COL12A1: variants seen among roughly 807,000 people sequenced by gnomAD.
The protein encoded by COL12A1 is collagen type XII alpha 1 chain.
COL12A1 carries 114 observed loss-of-function variants against 349.7 expected under a neutral mutation model. The observed-to-expected ratio is 0.33, with a 90% CI of 0.28 to 0.38. COL12A1 has a LOEUF of 0.38. Ranked by LOEUF, COL12A1 falls within the 10% of genes least tolerant of loss-of-function variation. COL12A1 has a pLI of 1.00. For missense variants in COL12A1, 3,284 were observed against 3,756.9 expected, an observed-to-expected ratio of 0.87 and a Z score of 3.29; for synonymous variants, 1,369 against 1,329.0, an observed-to-expected ratio of 1.03 and a Z score of -0.66.
chr6:75,148,201 T>C (rs377155005), intron 22 of COL12A1, among the ~76,000 whole-genome samples, 157 bp downstream of exon 22: 1 of 152,268 alleles, frequency 6.6e-6, no homozygotes, highest in East Asian at 1.9e-4. Flanking sequence ...CGGAAATGCC[T>C]GCCTAGCAAA....
At position 75,090,120 on chromosome 6, in the gene COL12A1, A is replaced by G. The variant is rs2149326774; in HGVS notation, c.8931T>C (p.Pro2977=). ...GCCAGAAATGCCTACCTCGTTCCCC[A>G]GGGGGTCCCTGCATCCCTGGTGTGC... ...FPGTPGMQGP[P]GERGLPGEKG... is the part of the protein sequence containing the mutation. The change falls in exon 63 of 66, where the codon CCT becomes CCC. Residue 2977 remains proline (P), a synonymous_variant. Transcript: ENST00000322507. This position sits in a 1 kb window ranked among gnomAD's most constrained non-coding sequence, Gnocchi z 4.1. 6.2e-7 allele frequency: 1 copy of G among 1,613,376 alleles called. No individual in the cohort carries two copies. The highest frequency in any genetic ancestry group is 8.5e-7 in the Non-Finnish European group (1 of 1,179,902).
At chr6:75,104,534 G>A (rs572446068) in intron 54 of COL12A1, among the ~76,000 whole-genome samples, 1 of 152,268 alleles carries the variant, frequency 6.6e-6, no homozygotes, top group East Asian at 1.9e-4. Flanking sequence ...CTTAAAAGAA[G>A]CCAAGGGAGA....
chr6:75,113,372 T>A (rs1582069286), intron 50 of COL12A1, 59 bp from the exon 51 acceptor site: 2 of 1,126,104 alleles, frequency 1.8e-6, no homozygotes, highest in Middle Eastern at 2.1e-4. Flanking sequence ...TTATTTAAAG[T>A]ATTAGCAAAT....
chr6:75,202,032 G>C lies in COL12A1; in HGVS notation c.73+688C>G, dbSNP rs116681704. Among the ~76,000 whole-genome samples, 724 of 152,318 alleles carry C rather than the reference G, an allele frequency of 4.8e-3. 5 individuals are homozygous for C. Among genetic ancestry groups the C allele is most frequent in the African/African-American group, 0.016 (682 of 41,580 alleles). On this transcript the variant is annotated intron_variant, in intron 2 of 65. Transcript: ENST00000322507. ...TTCCCAGGCTGGAAACCTTGGCCCA[G>C]GCTCAACCTGTCTGAGCTGGACCAG...
At chr6:75,163,405 T>C (rs1217424112) in intron 14 of COL12A1, among the ~76,000 whole-genome samples, 9 of 151,988 alleles carry the variant, frequency 5.9e-5, no homozygotes, top group Non-Finnish European at 1.3e-4. Context: ...AGCATACTAA[T>C]GCAAGAACAG....
chr6:75,098,680 T>A (rs1466448918), intron 58 of COL12A1, among the ~76,000 whole-genome samples: 2 of 152,026 alleles, frequency 1.3e-5, no homozygotes, highest in African/African-American at 2.4e-5. Context: ...GAGGTAAAGC[T>A]GTCTTAACTG....
intron 13 of COL12A1, 31 bp from the exon 14 acceptor site, chr6:75,165,810 T>C (rs754853506): frequency 6.3e-7 from 1 of 1,594,070 alleles, no homozygotes; most frequent in African/African-American, 1.4e-5. Context: ...GAATCTTTTT[T>C]AAAAATGTCT....
Position 75,189,244 on chromosome 6 carries a change from T to G in COL12A1, c.796A>C (p.Asn266His), listed in dbSNP as rs1769797020. 1 of 1,612,964 alleles carries G rather than the reference T, an allele frequency of 6.2e-7. No homozygotes were observed. Among genetic ancestry groups the G allele is most frequent in the Non-Finnish European group, 8.5e-7 (1 of 1,179,352 alleles). The change falls in exon 7 of 66, where the codon AAT becomes CAT. Residue 266 changes from asparagine (N) to histidine (H), a missense_variant. Physicochemically the swap from Asn to His is moderately conservative, Grantham distance 68 (BLOSUM62 1). Around this residue, in one of 2 missense-constraint regions of COL12A1, gnomAD observed 2,601 missense variants for 2,824.8 expected, o/e 0.92. Coordinates refer to ENST00000322507, the MANE Select transcript of COL12A1 (RefSeq NM_004370.6). ...EVEIPARELR[N>H]VGVEVFSLGI... ...AAGGAGAAAACTTCAACTCCAACAT[T>G]ACGAAGCTCTCTTGCTGGAATTTCC...
chr6:75,175,992 T>C (rs1433649996), intron 12 of COL12A1, among the ~76,000 whole-genome samples: 1 of 152,160 alleles, frequency 6.6e-6, no homozygotes, highest in South Asian at 2.1e-4. Context: ...AAAAGCCAGC[T>C]AGTTTTACTC....
chr6:75,131,906 C>T, intron 35 of COL12A1, 34 bp downstream of exon 35: 1 of 1,609,870 alleles, frequency 6.2e-7, no homozygotes, highest in Non-Finnish European at 8.5e-7. Context: ...CTACATTCAC[C>T]AGGAAATGCA....
At chr6:75,174,015 T>C (rs1013137039) in intron 13 of COL12A1, among the ~76,000 whole-genome samples, 1 of 152,238 alleles carries the variant, frequency 6.6e-6, no homozygotes, top group African/African-American at 2.4e-5. Context: ...TCCATTCTCA[T>C]TGCGGTGCAA....
chr6:75,191,241 T>TAC (rs1350110673), intron 5 of COL12A1, among the ~76,000 whole-genome samples: 1 of 152,004 alleles, frequency 6.6e-6, no homozygotes, highest in Non-Finnish European at 1.5e-5. Context: ...GAGCATAACA[T>TAC]ACACACAGAC....
At position 75,151,941 on chromosome 6, in the gene COL12A1, T is replaced by C. The variant is rs747793425; in HGVS notation, c.3926A>G (p.Asp1309Gly). 4 of 1,613,884 alleles carry C rather than the reference T, an allele frequency of 2.5e-6. No homozygotes were observed. Among genetic ancestry groups the C allele is most frequent in the Non-Finnish European group, 8.5e-7 (1 of 1,179,836 alleles). ...TTCAACATCGTCTTGTGATTTTCCA[T>C]CAGTAATGAGCACACCAATTTTTCG... The part of the protein sequence containing the change: ...RARKIGVLIT[D>G]GKSQDDVEAP... Residue 1309 changes from aspartate (D) to glycine (G), a missense_variant, in exon 20 of 66, where the codon GAT (aspartate) becomes GGT (glycine). By Grantham distance (94) the Asp-to-Gly change is moderately conservative. Transcript: ENST00000322507.
Position 75,138,964 on chromosome 6 carries a change from A to G in COL12A1, c.4958-3T>C. 6.2e-7 allele frequency: 1 copy of G among 1,613,192 alleles called. No individual in the cohort carries two copies. The highest frequency in any genetic ancestry group is 8.5e-7 in the Non-Finnish European group (1 of 1,179,750). The stretch of plus-strand genomic sequence containing the variant: ...GTTTGTTGGGGCTGGCACGGGTCCT[A>G]TCATGAGAAAAGGCAAGCAGACTAA... On this transcript the variant is annotated splice_polypyrimidine_tract_variant and splice_region_variant and intron_variant, in intron 27 of 65. Transcript: ENST00000322507.
chr6:75,091,451 A>T, intron 61 of COL12A1, 39 bp downstream of exon 61: 1 of 1,612,650 alleles, frequency 6.2e-7, no homozygotes, highest in Non-Finnish European at 8.5e-7. Flanking sequence ...TCAATGTTTA[A>T]CACACAAAAT....
chr6:75,175,208 G>C lies in COL12A1; in HGVS notation c.2540C>G (p.Thr847Arg), dbSNP rs1464560054. 6.2e-6 allele frequency: 10 copies of C among 1,614,036 alleles called. No individual in the cohort carries two copies. In the Admixed American group the frequency reaches 1.7e-4, roughly 27 times the overall value. ...APGKVKQYLV[T>R]YTPVAGGETQ... ...TTCACCCCCTGCCACTGGGGTATAT[G>C]TGACGAGATACTGTTTCACTTTTCC... is the stretch of plus-strand genomic sequence containing the variant. Residue 847 changes from threonine (T) to arginine (R), a missense_variant, in exon 13 of 66, where the codon ACA becomes AGA. By Grantham distance (71) the Thr-to-Arg change is moderately conservative. This residue lies in a region of COL12A1 where 2,601 missense variants were observed against 2,824.8 expected (regional missense o/e 0.92). Transcript: ENST00000322507.
At chr6:75,202,851 A>T (rs953163057) in intron 1 of COL12A1, 24 bp from the exon 2 acceptor site, 13 of 1,488,288 alleles carry the variant, frequency 8.7e-6, no homozygotes, top group Non-Finnish European at 1.2e-5. Flanking sequence ...TAGTGACTGC[A>T]TCAGAACTGG....
chr6:75,124,307 C>T lies in COL12A1; in HGVS notation c.6672G>A (p.Trp2224Ter). 1 of 1,613,524 alleles carries T rather than the reference C, an allele frequency of 6.2e-7. No homozygotes were observed. Among genetic ancestry groups the T allele is most frequent in the Non-Finnish European group, 8.5e-7 (1 of 1,179,754 alleles). Residue 2224 changes from tryptophan to a stop codon, truncating the protein, a stop_gained, in exon 41 of 66, where the codon TGG becomes TGA. Coordinates refer to ENST00000322507, the MANE Select transcript of COL12A1 (RefSeq NM_004370.6). LOFTEE classifies it high-confidence loss of function. Reference sequence around the variant, plus strand: ...AGGAGGTGGCTGCCCGGTGAGGTGACCATTTGACACAGAATGTATCCCACC... The same window carrying T: ...AGGAGGTGGCTGCCCGGTGAGGTGATCATTTGACACAGAATGTATCCCACC... ...QIGWDTFCVK[W>*]SPHRAATSYR... is the part of the protein sequence containing the mutation.
chr6:75,128,534 A>G (rs1269641979), intron 37 of COL12A1, 109 bp from the exon 38 acceptor site: 2 of 951,182 alleles, frequency 2.1e-6, no homozygotes, highest in Non-Finnish European at 2.8e-6. Flanking sequence ...TTTTTTTCAC[A>G]TTTTATTTTT....
Sources: gnomAD v4.1 joint callset for allele counts (sites outside exome capture counted in the v4.1 genomes callset) on GRCh38, gnomAD v4.1.1 for gene constraint, gnomAD v4.1.1 regional missense constraint, Gnocchi (gnomAD v3.1) non-coding constraint, MANE v1.5 for transcripts, NCBI Gene and HGNC (gene_info 2026-07-23, HGNC 2026-07-21) for gene names.